MGAM: variants seen among roughly 807,000 people sequenced by gnomAD.
MGAM encodes the protein alpha-1,4-glucosidase.
A neutral mutation model predicts 358.8 loss-of-function variants in MGAM; 253 were observed. The observed-to-expected ratio is 0.71, with a 90% CI of 0.64 to 0.78. The LOEUF is 0.78. Among genes scored for constraint, MGAM ranks in the 30% least tolerant of loss-of-function variants. MGAM has a pLI of 0.00. For missense variants in MGAM, 3,080 were observed against 3,432.6 expected (o/e 0.90, Z 2.57); for synonymous variants, 1,105 against 1,227.1 (o/e 0.90, Z 2.08).
In MGAM at chr7:142,036,295, C is replaced by A; in HGVS notation, c.2076+10C>A. ...TGGCCAAGGCTACAAGGTAAGGCTC[C>A]TAGGACATAGAGTCAGAATAAATTT... On this transcript the variant is annotated intron_variant, in intron 17 of 70. Transcript: ENST00000475668. 1 of 1,577,312 alleles carries A rather than the reference C, an allele frequency of 6.3e-7. No homozygotes were observed.
intron 22 of MGAM, among the ~76,000 whole-genome samples, chr7:142,049,730 A>C (rs375050145): frequency 2.6e-5 from 4 of 152,192 alleles, no homozygotes; most frequent in African/African-American, 9.7e-5. Flanking sequence ...CAGGTATGCA[A>C]ATAAAAAATT....
chr7:142,103,982 A>G (rs1050718639), intron 70 of MGAM, among the ~76,000 whole-genome samples: 1 of 151,718 alleles, frequency 6.6e-6, no homozygotes, highest in Non-Finnish European at 1.5e-5. Context: ...CCTCCCAAGT[A>G]GCTGTGACTG....
At chr7:142,093,592 G>C (rs750683582) in intron 60 of MGAM, 42 bp downstream of exon 60, 9 of 1,477,234 alleles carry the variant, frequency 6.1e-6, no homozygotes, top group Middle Eastern at 1.7e-4. Flanking sequence ...CAACCTGTAG[G>C]GATTGCCAGT....
chr7:142,026,817 T>C (rs1173749818), intron 8 of MGAM, among the ~76,000 whole-genome samples: 2 of 152,220 alleles, frequency 1.3e-5, no homozygotes, highest in Non-Finnish European at 2.9e-5. Flanking sequence ...CAGTGGCTTA[T>C]TCTGGACCCC....
At chr7:142,088,634 A>G (rs1472728822) in intron 57 of MGAM, among the ~76,000 whole-genome samples, 1 of 136,902 alleles carries the variant, frequency 7.3e-6, no homozygotes, top group Non-Finnish European at 1.6e-5. Context: ...TACTCAGGTT[A>G]TATCTATCTT....
Position 142,102,649 on chromosome 7 carries a change from C to T in MGAM, c.7983C>T (p.Leu2661=). 1 of 1,613,502 alleles carries T rather than the reference C, an allele frequency of 6.2e-7. No individual in the cohort carries two copies. Among genetic ancestry groups the T allele is most frequent in the South Asian group, 1.1e-5 (1 of 90,906 alleles). ...TTGCAGATACCTATGGGAAAGGACT[C>T]TATTACTTGGCCAGCTTTTCTGCCA... ...GQSIDTYGKG[L]YYLASFSASQ... The change falls in exon 69 of 71, where the codon CTC becomes CTT. Residue 2661 remains leucine, a synonymous_variant. Transcript: ENST00000475668.
chr7:142,102,808 T>C, intron 69 of MGAM, 129 bp downstream of exon 69: 1 of 917,620 alleles, frequency 1.1e-6, no homozygotes, highest in Non-Finnish European at 1.7e-6. Context: ...TTCTTCTACT[T>C]CTCTAGACTT....
At position 142,036,295 on chromosome 7, in the gene MGAM, C is replaced by T; in HGVS notation, c.2076+10C>T. 2 of 1,577,312 alleles carry T rather than the reference C, an allele frequency of 1.3e-6. No homozygotes were observed. The highest frequency in any genetic ancestry group is 1.7e-6 in the Non-Finnish European group (2 of 1,155,114). ...TGGCCAAGGCTACAAGGTAAGGCTC[C>T]TAGGACATAGAGTCAGAATAAATTT... is the stretch of plus-strand genomic sequence containing the variant. On this transcript the variant is annotated intron_variant, in intron 17 of 70. Coordinates refer to ENST00000475668, the MANE Select transcript of MGAM (RefSeq NM_001365693.1).
rs1253360261 is a variant in MGAM, at chr7:142,103,377, G to T, written c.8122G>T (p.Val2708Phe). ...AGTGGGCAGTGTCCCCGTTACCAGT[G>T]TCAGCATCTCTGTGAGTGGCATGGT... ...WGVGSVPVTSVSISVSGMVIT... is the reference protein window; with the variant it reads ...WGVGSVPVTSFSISVSGMVIT... The change falls in exon 70 of 71, where the codon GTC (valine) becomes TTC (phenylalanine). Residue 2708 changes from valine to phenylalanine, a missense_variant. By Grantham distance (50) the Val-to-Phe change is conservative. Transcript: ENST00000475668. The T allele has an allele frequency of 6.2e-7, 1 of 1,613,200 alleles. No homozygotes were observed. Among genetic ancestry groups the T allele is most frequent in the African/African-American group, 1.3e-5 (1 of 74,890 alleles).
At chr7:142,058,847 G>A (rs566941700) in intron 31 of MGAM, among the ~76,000 whole-genome samples, 2 of 152,306 alleles carry the variant, frequency 1.3e-5, no homozygotes, top group African/African-American at 4.8e-5. Flanking sequence ...AGTGGAGGAT[G>A]GGAGGGGACC....
intron 1 of MGAM, among the ~76,000 whole-genome samples, chr7:142,001,576 A>T (rs1479439351): frequency 6.6e-6 from 1 of 152,198 alleles, no homozygotes; most frequent in Non-Finnish European, 1.5e-5. Flanking sequence ...TGGTGGAGAA[A>T]GTAGGCCTTG....
At chr7:142,042,068 A>G (rs1350357149) in intron 21 of MGAM, among the ~76,000 whole-genome samples, 1 of 78,788 alleles carries the variant, frequency 1.3e-5, no homozygotes, top group South Asian at 3.4e-4. Flanking sequence ...TACATATAAT[A>G]TATAACATAC....
chr7:142,082,112 A>G lies in MGAM; in HGVS notation c.6073A>G (p.Lys2025Glu), dbSNP rs752280025. 1 of 1,555,642 alleles carries G rather than the reference A, an allele frequency of 6.4e-7. No homozygotes were observed. The highest frequency in any genetic ancestry group is 1.3e-5 in the African/African-American group (1 of 74,440). Residue 2025 changes from lysine (K) to glutamate (E), a missense_variant, in exon 51 of 71, where the codon AAG becomes GAG. Physicochemically the swap from Lys to Glu is moderately conservative, Grantham distance 56. Transcript: ENST00000475668. ...CCGCATCTCCACCCGCCTTCCCTCCAAGTACCTCTATGGCTTTGGGGAGAC... is the reference window on the plus strand; with the variant it reads ...CCGCATCTCCACCCGCCTTCCCTCCGAGTACCTCTATGGCTTTGGGGAGAC... ...FIRISTRLPS[K>E]YLYGFGETEH...
intron 2 of MGAM, among the ~76,000 whole-genome samples, chr7:141,989,692 C>T (rs1357082521): frequency 1.3e-5 from 2 of 151,640 alleles, no homozygotes; most frequent in African/African-American, 4.8e-5. Flanking sequence ...GCTGAGAATC[C>T]CTAAAGTGCA....
intron 7 of MGAM, 40 bp from the exon 8 acceptor site, chr7:142,025,010 T>C: frequency 6.9e-7 from 1 of 1,451,852 alleles, no homozygotes; most frequent in Non-Finnish European, 9.7e-7. Flanking sequence ...TGCTGAGACT[T>C]CTTAGTTGTA....
At chr7:142,065,110 A>G (rs1343201976) in intron 37 of MGAM, among the ~76,000 whole-genome samples, 3 of 152,170 alleles carry the variant, frequency 2.0e-5, no homozygotes, top group Non-Finnish European at 2.9e-5. Context: ...GGAGTACTCC[A>G]GTGAGGCTGC....
At position 142,079,689 on chromosome 7, in the gene MGAM, T is replaced by C. The variant is rs1814072927; in HGVS notation, c.5847+681T>C. Among the ~76,000 whole-genome samples the C allele has an allele frequency of 1.4e-5, 2 of 146,352 alleles. 1 individual carries two copies. Among genetic ancestry groups the C allele is most frequent in the Admixed American group, 1.4e-4 (2 of 14,562 alleles). The stretch of plus-strand genomic sequence containing the variant: ...AAGGATAGGAATGTGCCCTTTCCTC[T>C]TTGTGCTTCTGAAGTCTAATACAGA... On this transcript the variant is annotated intron_variant, in intron 49 of 70. Coordinates refer to ENST00000475668, the MANE Select transcript of MGAM (RefSeq NM_001365693.1).
chr7:142,063,574 C>T lies in MGAM; in HGVS notation c.4333C>T (p.Pro1445Ser), dbSNP rs3087313. The stretch of plus-strand genomic sequence containing the variant: ...CAGGGACGCCTCTCTGAACCACCCT[C>T]CCTACATGCCACGTAAGAAGCCTTG... ...GCRDASLNHPPYMPHLESRDR... is the reference protein window; with the variant it reads ...GCRDASLNHPSYMPHLESRDR... The change falls in exon 36 of 71, where the codon CCC (proline) becomes TCC (serine). Residue 1445 changes from proline (P) to serine (S), a missense_variant. Pro to Ser is a moderately conservative substitution (Grantham distance 74). This residue lies in a region of MGAM where 1,816 missense variants were observed against 1,840.5 expected (regional missense o/e 0.99). Coordinates refer to ENST00000475668, the MANE Select transcript of MGAM (RefSeq NM_001365693.1). The T allele has an allele frequency of 1.5e-5, 24 of 1,613,402 alleles. No homozygotes were observed. Among genetic ancestry groups the T allele is most frequent in the Non-Finnish European group, 2.0e-5 (24 of 1,179,696 alleles).
At chr7:142,050,033 A>G (rs1220975512) in intron 22 of MGAM, among the ~76,000 whole-genome samples, 1 of 152,214 alleles carries the variant, frequency 6.6e-6, no homozygotes, top group Non-Finnish European at 1.5e-5. Flanking sequence ...CAACCAAGAT[A>G]TAGAAACAAT....
Sources: gnomAD v4.1 joint callset for allele counts (sites outside exome capture counted in the v4.1 genomes callset) on GRCh38, gnomAD v4.1.1 for gene constraint, gnomAD v4.1.1 regional missense constraint, MANE v1.5 for transcripts, NCBI Gene and HGNC (gene_info 2026-07-23, HGNC 2026-07-21) for gene names.